ULK1: variants seen among roughly 807,000 people sequenced by gnomAD.
ULK1 encodes the protein unc-51 like autophagy activating kinase 1.
ULK1 carries 48 observed loss-of-function variants against 117.5 expected under a neutral mutation model. The observed-to-expected ratio is 0.41, with a 90% CI of 0.32 to 0.52. The LOEUF (loss-of-function observed/expected upper bound fraction) is 0.52, where lower values mean the gene tolerates loss of function less well. ULK1 is among the 20% of genes least tolerant of loss of function. ULK1 has a pLI of 0.29. For missense variants in ULK1, 1,387 were observed against 1,473.4 expected, an observed-to-expected ratio of 0.94 and a Z score of 0.96; for synonymous variants, 790 against 637.8, an observed-to-expected ratio of 1.24 and a Z score of -3.60.
chr12:131,905,744 C>T (rs969758895), intron 3 of ULK1, among the ~76,000 whole-genome samples: 28 of 152,150 alleles, frequency 1.8e-4, no homozygotes, highest in African/African-American at 5.8e-4. Context: ...CCTGTGGCTG[C>T]GGGGAGTGAG....
intron 3 of ULK1, among the ~76,000 whole-genome samples, chr12:131,905,662 C>G (rs924972207): frequency 6.6e-6 from 1 of 152,162 alleles, no homozygotes; most frequent in Admixed American, 6.5e-5. Context: ...TCCAGCCCAG[C>G]CTGCCTGGTT....
intron 26 of ULK1, 29 bp downstream of exon 26, chr12:131,920,165 A>G: frequency 6.2e-7 from 1 of 1,601,748 alleles, no homozygotes; most frequent in Non-Finnish European, 8.5e-7. Flanking sequence ...CCAGTGGGGC[A>G]GGGGCCAGGA....
At position 131,910,747 on chromosome 12, in the gene ULK1, G is replaced by A. The variant is rs1322364036; in HGVS notation, c.895G>A (p.Gly299Arg). Residue 299 changes from glycine (G) to arginine (R), a missense_variant, in exon 12 of 28, where the codon GGG becomes AGG. Around this residue, in one of 4 missense-constraint regions of ULK1, gnomAD observed 260 missense variants for 271.6 expected, o/e 0.96. Coordinates refer to ENST00000321867, the MANE Select transcript of ULK1 (RefSeq NM_003565.4). Reference sequence around the variant, plus strand: ...GCCTGTGCCCTCGTACCCAAGCTCGGGGTCCGGCAGCAGCTCCAGCAGCAG... The same window carrying A: ...GCCTGTGCCCTCGTACCCAAGCTCGAGGTCCGGCAGCAGCTCCAGCAGCAG... ...PVPVPSYPSS[G>R]SGSSSSSSST... 6.2e-7 allele frequency: 1 copy of A among 1,612,888 alleles called. No individual in the cohort carries two copies. Among genetic ancestry groups the A allele is most frequent in the South Asian group, 1.1e-5 (1 of 91,088 alleles).
In ULK1 at chr12:131,921,931, C is replaced by G. The variant is rs1566132673; in HGVS notation, c.*570C>G. On this transcript the variant is annotated 3_prime_UTR_variant, in exon 28 of 28. Transcript: ENST00000321867. ...CCTGGTGTTTGTACATACACATATG[C>G]AGACACATGCCAGGGCCCCCCAAGC... The G allele has an allele frequency of 4.4e-6, 2 of 456,504 alleles. No individual in the cohort carries two copies. Among genetic ancestry groups the G allele is most frequent in the Non-Finnish European group, 8.8e-6 (2 of 226,940 alleles). 28.3% of individuals were successfully genotyped at this position (456,504 alleles called of 1,614,324 possible).
rs752696252 is a variant in ULK1 at position 131,895,122 on chromosome 12, C to A, written c.111+10C>A. On this transcript the variant is annotated intron_variant, in intron 1 of 27. Transcript: ENST00000321867. ...GGGCCGCCACCGCGAGGTGAGGCCC[C>A]CGTCCGGCCCGGGATCCCCCGCCCA... is the stretch of plus-strand genomic sequence containing the variant. 1 of 1,519,042 alleles carries A rather than the reference C, an allele frequency of 6.6e-7. No homozygotes were observed. Among genetic ancestry groups the A allele is most frequent in the South Asian group, 1.2e-5 (1 of 82,330 alleles). 94.1% of individuals were successfully genotyped at this position (1,519,042 alleles called of 1,614,324 possible).
chr12:131,900,114 CAAAAAAAAAAAA>C lies in ULK1; in HGVS notation c.246+4303_246+4314del, dbSNP rs55658532. Among the ~76,000 whole-genome samples, 23 of 70,114 alleles carry C rather than the reference CAAAAAAAAAAAA, an allele frequency of 3.3e-4. 1 individual carries two copies. Among genetic ancestry groups the C allele is most frequent in the African/African-American group, 1.1e-3 (19 of 16,782 alleles). The allele number at this position is 70,114 out of a possible 152,430, so 46.0% of individuals were successfully genotyped here. A position where few individuals can be genotyped will look rare whatever the true frequency, so the allele number is the denominator to read the frequency against. ...CCTGGGCGACAGAGTGAAACTCTCT[CAAAAAAAAAAAA>C]AAAAAAAAAAAACTGTTGTGGTTGT... On this transcript the variant is annotated intron_variant, in intron 3 of 27. Transcript: ENST00000321867.
chr12:131,901,636 G>A (rs758548544), intron 3 of ULK1, among the ~76,000 whole-genome samples: 3 of 152,320 alleles, frequency 2.0e-5, no homozygotes, highest in South Asian at 2.1e-4. Flanking sequence ...GATGTCAGCC[G>A]TAGGTTGAGG....
chr12:131,909,042 T>C (rs1382635798), intron 7 of ULK1, 71 bp downstream of exon 7: 2 of 1,610,478 alleles, frequency 1.2e-6, no homozygotes, highest in East Asian at 2.2e-5. Flanking sequence ...GGCTGGCGTG[T>C]GGTGCGCTCT....
In ULK1 at chr12:131,909,876, C is replaced by CG. The variant is rs761892531; in HGVS notation, c.726-41dup. On this transcript the variant is annotated intron_variant, in intron 9 of 27. Coordinates refer to ENST00000321867, the MANE Select transcript of ULK1 (RefSeq NM_003565.4). ...TTCCCTTCCCTTCCCCCGCGGGCTC[C>CG]GGCCCCGCAGGCCCTGCTCACACCA... 2.2e-5 allele frequency: 35 copies of CG among 1,609,972 alleles called. No homozygotes were observed. In the South Asian group the frequency reaches 3.9e-4, roughly 18 times the overall value.
chr12:131,907,157 T>C (rs972102618), intron 4 of ULK1, among the ~76,000 whole-genome samples: 4 of 152,132 alleles, frequency 2.6e-5, no homozygotes, highest in Non-Finnish European at 5.9e-5. Context: ...CTGGGAGTAA[T>C]TACAGGTGTG....
At chr12:131,901,660 C>T (rs913455170) in intron 3 of ULK1, among the ~76,000 whole-genome samples, 3 of 152,210 alleles carry the variant, frequency 2.0e-5, no homozygotes, top group Non-Finnish European at 2.9e-5. Context: ...GCTGTGTCTC[C>T]GTGGGTGACA....
At position 131,921,539 on chromosome 12, in the gene ULK1, A is replaced by G; in HGVS notation, c.*178A>G. The G allele has an allele frequency of 5.8e-6, 5 of 867,564 alleles. No individual in the cohort carries two copies. The South Asian group carries it at 7.8e-5, about 13-fold the overall frequency. The allele number at this position is 867,564 out of a possible 1,614,324, so 53.7% of individuals were successfully genotyped here. The stretch of plus-strand genomic sequence containing the variant: ...GCAGCTCACGGGGCAGAACCAGCAC[A>G]TCTGGAGCCACACAGCTTGGGGGGT... On this transcript the variant is annotated 3_prime_UTR_variant, in exon 28 of 28. Coordinates refer to ENST00000321867, the MANE Select transcript of ULK1 (RefSeq NM_003565.4).
At position 131,915,353 on chromosome 12, in the gene ULK1, G is replaced by T. The variant is rs138479502; in HGVS notation, c.1541G>T (p.Arg514Leu). 6 of 1,612,700 alleles carry T rather than the reference G, an allele frequency of 3.7e-6. No individual in the cohort carries two copies. The highest frequency in any genetic ancestry group is 1.6e-4 in the Middle Eastern group (1 of 6,082). Reference sequence around the variant, plus strand: ...CCCCAAGTTGGAACCATCCCTGAGCGGCCAGGCTGGAGCGGGACGCCCTCC... The same window carrying T: ...CCCCAAGTTGGAACCATCCCTGAGCTGCCAGGCTGGAGCGGGACGCCCTCC... ...PSPQVGTIPE[R>L]PGWSGTPSPQ... Residue 514 changes from arginine (R) to leucine (L), a missense_variant, in exon 18 of 28, where the codon CGG becomes CTG. By Grantham distance (102) the Arg-to-Leu change is moderately radical. Transcript: ENST00000321867.
intron 10 of ULK1, 68 bp from the exon 11 acceptor site, chr12:131,910,186 T>C: frequency 6.2e-7 from 1 of 1,600,184 alleles, no homozygotes; most frequent in Non-Finnish European, 8.6e-7. Flanking sequence ...GCTCAGGCCG[T>C]GGGGAGGCAG....
rs577850298 is a variant in ULK1, at chr12:131,916,128, C to T, written c.1847C>T (p.Pro616Leu). The T allele has an allele frequency of 1.9e-6, 3 of 1,612,516 alleles. No individual in the cohort carries two copies. The highest frequency in any genetic ancestry group is 3.3e-5 in the Admixed American group (2 of 59,982). Residue 616 changes from proline (P) to leucine (L), a missense_variant, in exon 19 of 28, where the codon CCC becomes CTC. This residue lies in a region of ULK1 where 900 missense variants were observed against 858.9 expected (regional missense o/e 1.05). Transcript: ENST00000321867. Reference sequence around the variant, plus strand: ...CTGCCCGACTTCCTGCAGCGAAACCCCCTGCCCCCCATCCTGGGCTCCCCC... The same window carrying T: ...CTGCCCGACTTCCTGCAGCGAAACCTCCTGCCCCCCATCCTGGGCTCCCCC... The part of the protein sequence containing the change: ...PKLPDFLQRN[P>L]LPPILGSPTK...
chr12:131,910,579 C>T lies in ULK1; in HGVS notation c.860-133C>T. 2.5e-6 allele frequency: 4 copies of T among 1,578,592 alleles called. No individual in the cohort carries two copies. The East Asian group carries it at 9.1e-5, about 36-fold the overall frequency. The stretch of plus-strand genomic sequence containing the variant: ...ATAGGGTGGCCCAGGAGGGAGCCTC[C>T]CTCCTTCCTGCTGGTCGGGGTGTAG... On this transcript the variant is annotated intron_variant, in intron 11 of 27. Coordinates refer to ENST00000321867, the MANE Select transcript of ULK1 (RefSeq NM_003565.4).
chr12:131,899,968 T>G (rs1030343346), intron 3 of ULK1, among the ~76,000 whole-genome samples: 8 of 152,050 alleles, frequency 5.3e-5, no homozygotes, highest in African/African-American at 1.4e-4. Context: ...AATACAAAAA[T>G]TAGCTGGGCG....
chr12:131,911,349 C>T (rs1416902959), intron 12 of ULK1, among the ~76,000 whole-genome samples: 1 of 152,198 alleles, frequency 6.6e-6, no homozygotes, highest in Non-Finnish European at 1.5e-5. Context: ...GACCAGGGAC[C>T]GGTCCTCTGA....
intron 19 of ULK1, 74 bp downstream of exon 19, chr12:131,916,233 A>G: frequency 6.4e-7 from 1 of 1,558,444 alleles, no homozygotes; most frequent in Non-Finnish European, 8.7e-7. Context: ...GTCCTGAACA[A>G]AGACCGAGGA....
Sources: allele counts gnomAD v4.1 joint callset (sites outside exome capture counted in the v4.1 genomes callset), GRCh38; gene constraint gnomAD v4.1.1; regional missense constraint gnomAD v4.1.1; transcripts MANE v1.5; gene names NCBI Gene and HGNC (gene_info 2026-07-23, HGNC 2026-07-21).